MGAT4C: variants seen among roughly 807,000 people sequenced by gnomAD.
The protein encoded by MGAT4C is MGAT4 family member C, also known as alpha-1,3-mannosyl-glycoprotein 4-beta-N-acetylglucosaminyltransferase C.
MGAT4C carries 19 observed loss-of-function variants against 40.1 expected under a neutral mutation model. The ratio of observed to expected loss-of-function variants is 0.47; its 90% CI spans 0.33 to 0.70. The LOEUF (loss-of-function observed/expected upper bound fraction) is 0.70, where lower values mean the gene tolerates loss of function less well. Ranked by LOEUF, MGAT4C falls within the 30% of genes least tolerant of loss-of-function variation. The probability of loss-of-function intolerance (pLI) is 0.02; values close to 1 mark genes in which losing one functional copy is unlikely to be tolerated. For missense variants in MGAT4C, 491 were observed against 563.2 expected (o/e 0.87, Z 1.30); for synonymous variants, 181 against 187.1 (o/e 0.97, Z 0.27).
intron 1 of MGAT4C, among the ~76,000 whole-genome samples, chr12:86,832,341 C>A (rs568059075): frequency 1.3e-5 from 2 of 151,708 alleles, no homozygotes; most frequent in Non-Finnish European, 2.9e-5. Context: ...TATTTACTTG[C>A]AAAATTAAGC....
chr12:86,516,537 A>C (rs996122527), intron 2 of MGAT4C, among the ~76,000 whole-genome samples: 3 of 152,114 alleles, frequency 2.0e-5, no homozygotes, highest in Non-Finnish European at 4.4e-5. Flanking sequence ...AAATGAGTCC[A>C]TTTTCTTGAC....
In MGAT4C at chr12:86,711,665, A is replaced by G. The variant is rs376971795; in HGVS notation, c.-229+15544T>C. On this transcript the variant is annotated intron_variant, in intron 2 of 7. Transcript: ENST00000548651. The stretch of plus-strand genomic sequence containing the variant: ...TGGAAGAAAAAAATATGAAAACAAG[A>G]TAGACTTTCATCTCACAAATTTAGT... 8.5e-5 allele frequency among the ~76,000 whole-genome samples: 13 copies of G among 152,274 alleles called. No individual in the cohort carries two copies. In the East Asian group the frequency reaches 2.3e-3, roughly 27 times the overall value.
intron 4 of MGAT4C, among the ~76,000 whole-genome samples, chr12:86,322,278 C>G (rs1308854746): frequency 6.6e-6 from 1 of 150,620 alleles, no homozygotes; most frequent in Non-Finnish European, 1.5e-5. Context: ...ATGTAAATGA[C>G]GAGTTAAGGG....
chr12:86,798,812 G>A (rs1952174999), intron 1 of MGAT4C, among the ~76,000 whole-genome samples: 1 of 151,746 alleles, frequency 6.6e-6, no homozygotes, highest in Non-Finnish European at 1.5e-5. Context: ...AGGTCTTGAA[G>A]AAATATCAAC....
chr12:86,803,710 T>A (rs1234157572), intron 1 of MGAT4C, among the ~76,000 whole-genome samples: 19 of 149,542 alleles, frequency 1.3e-4, no homozygotes, highest in East Asian at 3.9e-4. Context: ...TCAAAACCAC[T>A]ATGAGATACC....
At chr12:86,421,000 T>C (rs1485172547) in intron 3 of MGAT4C, among the ~76,000 whole-genome samples, 2 of 151,958 alleles carry the variant, frequency 1.3e-5, no homozygotes, top group African/African-American at 2.4e-5. Flanking sequence ...TCCTTTCAAA[T>C]TGGTTCACAT....
chr12:86,496,272 G>A (rs1958232754), intron 2 of MGAT4C, among the ~76,000 whole-genome samples: 2 of 151,792 alleles, frequency 1.3e-5, no homozygotes, highest in African/African-American at 4.8e-5. Flanking sequence ...ATTTTGATTG[G>A]TTTCCTCCTC....
intron 2 of MGAT4C, among the ~76,000 whole-genome samples, chr12:86,521,873 T>C (rs1183389322): frequency 6.6e-6 from 1 of 152,106 alleles, no homozygotes; most frequent in East Asian, 1.9e-4. Flanking sequence ...TGATTGTGAA[T>C]GGGATTGCCT....
At chr12:86,068,138 C>T (rs1351815897) in intron 1 of MGAT4C, 1 of 152,184 alleles carries the variant, frequency 6.6e-6, no homozygotes, top group Non-Finnish European at 1.5e-5. Flanking sequence ...CTCTGACCAA[C>T]CTGTGCTATC....
chr12:86,823,353 TAAAGG>T (rs1952739490), intron 1 of MGAT4C, among the ~76,000 whole-genome samples: 1 of 150,882 alleles, frequency 6.6e-6, no homozygotes, highest in African/African-American at 2.4e-5. Context: ...TTTGAAAAAA[TAAAGG>T]AAACTGGCAC....
At chr12:86,702,014 T>A (rs1048068973) in intron 2 of MGAT4C, among the ~76,000 whole-genome samples, 1 of 152,084 alleles carries the variant, frequency 6.6e-6, no homozygotes, top group Admixed American at 6.6e-5. Context: ...TGAAGATAGC[T>A]ACACTAAACA....
intron 4 of MGAT4C, among the ~76,000 whole-genome samples, chr12:86,306,333 A>T (rs1350154928): frequency 6.6e-6 from 1 of 150,528 alleles, no homozygotes; most frequent in Non-Finnish European, 1.5e-5. Flanking sequence ...ATGGATAAAC[A>T]ATGTGTATAT....
intron 2 of MGAT4C, among the ~76,000 whole-genome samples, chr12:86,003,747 T>TGAAGAAGAAGAA (rs147837764): frequency 3.0e-4 from 46 of 151,182 alleles, no homozygotes; most frequent in African/African-American, 3.6e-4. Flanking sequence ...TGAAGTTTTG[T>TGAAGAAGAAGAA]GAAGAAGAAG....
chr12:86,642,498 T>C (rs1392445220), intron 2 of MGAT4C, among the ~76,000 whole-genome samples: 1 of 151,826 alleles, frequency 6.6e-6, no homozygotes. Flanking sequence ...AATACTATTA[T>C]TAATGTTGCT....
At chr12:86,831,524 A>G (rs1482734087) in intron 1 of MGAT4C, among the ~76,000 whole-genome samples, 1 of 151,898 alleles carries the variant, frequency 6.6e-6, no homozygotes, top group African/African-American at 2.4e-5. Context: ...TCTCACATAT[A>G]CACATTTACA....
chr12:86,292,441 CT>C (rs5799775), intron 4 of MGAT4C, among the ~76,000 whole-genome samples: 10 of 148,386 alleles, frequency 6.7e-5, no homozygotes, highest in Admixed American at 6.7e-5. Context: ...AACCCTACTA[CT>C]TTTTTTTTTA....
chr12:86,120,293 T>G (rs552597803), intron 1 of MGAT4C, among the ~76,000 whole-genome samples: 15 of 152,188 alleles, frequency 9.9e-5, no homozygotes, highest in Non-Finnish European at 1.9e-4. Flanking sequence ...TTCCTGCCTC[T>G]GTAGACTCCA....
chr12:86,266,381 T>A (rs957959344), intron 4 of MGAT4C, among the ~76,000 whole-genome samples: 4 of 152,220 alleles, frequency 2.6e-5, no homozygotes, highest in African/African-American at 9.6e-5. Flanking sequence ...TTTATTTGCA[T>A]CTATTGAGAT....
chr12:86,285,379 G>T (rs1953328202), intron 4 of MGAT4C, among the ~76,000 whole-genome samples: 1 of 151,958 alleles, frequency 6.6e-6, no homozygotes. Context: ...CCAGTGTGTA[G>T]CATTGTGCTT....
Sources: gnomAD v4.1 joint callset for allele counts (sites outside exome capture counted in the v4.1 genomes callset) on GRCh38, gnomAD v4.1.1 for gene constraint, MANE v1.5 for transcripts, NCBI Gene and HGNC (gene_info 2026-07-23, HGNC 2026-07-21) for gene names.